Variants in FER observed in about 807,000 individuals in gnomAD.
The protein encoded by FER is FER tyrosine kinase.
Under a neutral mutation model 111.0 loss-of-function variants are expected in FER, and 63 were observed. That is an observed-to-expected ratio of 0.57 (90% CI 0.46 to 0.70). FER has a LOEUF of 0.70. Ranked by LOEUF, FER falls within the 30% of genes least tolerant of loss-of-function variation. The pLI is 0.00. For missense variants in FER, 914 were observed against 954.0 expected (o/e 0.96, Z 0.55); for synonymous variants, 327 against 313.9 (o/e 1.04, Z -0.44).
chr5:108,763,429 A>G (rs1005140036), intron 1 of FER, among the ~76,000 whole-genome samples: 8 of 152,236 alleles, frequency 5.3e-5, no homozygotes, highest in Admixed American at 3.9e-4. Context: ...GCAGATTTGC[A>G]TCATAGGAGA....
intron 17 of FER, among the ~76,000 whole-genome samples, chr5:109,112,143 T>G (rs569031395): frequency 7.2e-5 from 11 of 152,272 alleles, no homozygotes; most frequent in Admixed American, 7.2e-4. Flanking sequence ...CACTGTTTGT[T>G]TGTTTTTTTT....
chr5:108,971,108 A>G (rs185769431), intron 13 of FER, among the ~76,000 whole-genome samples: 3 of 152,034 alleles, frequency 2.0e-5, no homozygotes, highest in Admixed American at 6.5e-5. Context: ...AAAAAAATCA[A>G]TGTTCATTTT....
chr5:109,161,500 G>A (rs1456893818), intron 17 of FER, among the ~76,000 whole-genome samples: 2 of 151,974 alleles, frequency 1.3e-5, no homozygotes, highest in Non-Finnish European at 1.5e-5. Flanking sequence ...ACTTATAAGC[G>A]AGAATATGTG....
intron 3 of FER, among the ~76,000 whole-genome samples, chr5:108,798,936 T>TGA (rs1288890477): frequency 6.6e-6 from 1 of 152,208 alleles, no homozygotes; most frequent in Non-Finnish European, 1.5e-5. Flanking sequence ...GAACCATTGT[T>TGA]ACAAATTTTG....
At chr5:109,036,972 C>T (rs1312668389) in intron 13 of FER, among the ~76,000 whole-genome samples, 3 of 151,668 alleles carry the variant, frequency 2.0e-5, no homozygotes, top group African/African-American at 7.3e-5. Flanking sequence ...AACTCATGGC[C>T]CATTTATATG....
At chr5:108,961,778 A>G (rs1280956961) in intron 13 of FER, among the ~76,000 whole-genome samples, 1 of 152,138 alleles carries the variant, frequency 6.6e-6, no homozygotes, top group Non-Finnish European at 1.5e-5. Flanking sequence ...ATTGATATGG[A>G]TTTGTTATGG....
At chr5:109,002,784 C>T (rs190531139) in intron 13 of FER, among the ~76,000 whole-genome samples, 6 of 152,100 alleles carry the variant, frequency 3.9e-5, no homozygotes, top group Non-Finnish European at 7.4e-5. Flanking sequence ...AAAAAACAAC[C>T]GCATCAAAAA....
chr5:108,905,721 A>C (rs1470691090), intron 10 of FER, among the ~76,000 whole-genome samples: 1 of 152,208 alleles, frequency 6.6e-6, no homozygotes, highest in African/African-American at 2.4e-5. Context: ...TATACATTAA[A>C]ACATTTTTTA....
At chr5:109,045,168 TTAGA>T (rs1429307362) in intron 15 of FER, among the ~76,000 whole-genome samples, 2 of 151,926 alleles carry the variant, frequency 1.3e-5, no homozygotes, top group Non-Finnish European at 2.9e-5. Flanking sequence ...CCTACCCTCC[TTAGA>T]TAGTACTGCT....
intron 10 of FER, among the ~76,000 whole-genome samples, chr5:108,927,538 C>A (rs934976072): frequency 1.3e-5 from 2 of 152,090 alleles, no homozygotes; most frequent in Non-Finnish European, 2.9e-5. Context: ...GGATTACAGG[C>A]GTGAGCCATC....
chr5:109,190,516 A>C lies in FER; in HGVS notation c.*2941A>C, dbSNP rs544150005. ...TTGTTCATCATTTCACAAGGAAAGA[A>C]ATTTTTCACTGTTAAATTAACATTT... On this transcript the variant is annotated 3_prime_UTR_variant, in exon 20 of 20. Coordinates refer to ENST00000281092, the MANE Select transcript of FER (RefSeq NM_005246.4). 2.0e-5 allele frequency: 3 copies of C among 152,286 alleles called. No homozygotes were observed. The highest frequency in any genetic ancestry group is 7.2e-5 in the African/African-American group (3 of 41,574). The allele number at this position is 152,286 out of a possible 1,614,324, so 9.4% of individuals were successfully genotyped here.
At position 109,051,686 on chromosome 5, in the gene FER, C is replaced by G. The variant is rs1772851256; in HGVS notation, c.1924+4488C>G. The G allele has an allele frequency of 4.4e-6, 7 of 1,573,306 alleles. 2 individuals carry two copies. The highest frequency in any genetic ancestry group is 4.5e-5 in the East Asian group (2 of 44,600). On this transcript the variant is annotated intron_variant, in intron 16 of 19. Coordinates refer to ENST00000281092, the MANE Select transcript of FER (RefSeq NM_005246.4). ...TAAGCATATTTTTGAGACCCACAGT[C>G]TTTGGCGGGGCTCAGCGGGCCAGTG...
intron 18 of FER, among the ~76,000 whole-genome samples, chr5:109,184,303 G>A (rs996920568): frequency 1.3e-5 from 2 of 152,262 alleles, no homozygotes; most frequent in South Asian, 2.1e-4. Context: ...CATTAGCTGC[G>A]TGACCCTGGC....
intron 2 of FER, among the ~76,000 whole-genome samples, chr5:108,768,588 C>G (rs1009804124): frequency 2.0e-5 from 3 of 152,090 alleles, no homozygotes; most frequent in African/African-American, 7.2e-5. Context: ...GCACTTTGTT[C>G]TGATTTCTGT....
chr5:109,000,856 T>G (rs1191559419), intron 13 of FER, among the ~76,000 whole-genome samples: 6 of 152,152 alleles, frequency 3.9e-5, no homozygotes, highest in East Asian at 3.9e-4. Context: ...CAAACTACCA[T>G]CATAGAATAC....
chr5:108,984,736 A>G (rs1191507998), intron 13 of FER, among the ~76,000 whole-genome samples: 1 of 152,136 alleles, frequency 6.6e-6, no homozygotes, highest in Non-Finnish European at 1.5e-5. Context: ...AACAAAGGCT[A>G]TATCAAAAAT....
chr5:108,915,588 C>CTT (rs562817580), intron 10 of FER, among the ~76,000 whole-genome samples: 9 of 144,088 alleles, frequency 6.2e-5, no homozygotes, highest in Non-Finnish European at 7.7e-5. Context: ...CCACAAAGGA[C>CTT]TTTTTTTTTT....
intron 2 of FER, among the ~76,000 whole-genome samples, chr5:108,783,875 C>T (rs1008809488): frequency 6.6e-6 from 1 of 152,044 alleles, no homozygotes; most frequent in East Asian, 1.9e-4. Flanking sequence ...GGAGGAGAGT[C>T]TTGGACATGT....
In FER at chr5:108,897,560, T is replaced by C. The variant is rs1749330827; in HGVS notation, c.1047-99T>C. ...ATTTTTTATGATTCTAAAGGGCTCT[T>C]ATAAAAATGAAATCAAAGAAAAGCA... On this transcript the variant is annotated intron_variant, in intron 9 of 19. Coordinates refer to ENST00000281092, the MANE Select transcript of FER (RefSeq NM_005246.4). 1.7e-5 allele frequency: 15 copies of C among 879,876 alleles called. No individual in the cohort carries two copies. In the East Asian group the frequency reaches 4.0e-4, roughly 24 times the overall value. The allele number at this position is 879,876 out of a possible 1,614,324, so 54.5% of individuals were successfully genotyped here.
Sources: gnomAD v4.1 joint callset for allele counts (sites outside exome capture counted in the v4.1 genomes callset) on GRCh38, gnomAD v4.1.1 for gene constraint, MANE v1.5 for transcripts, NCBI Gene and HGNC (gene_info 2026-07-23, HGNC 2026-07-21) for gene names.